Variants in DISC1 observed in about 807,000 individuals in gnomAD.
DISC1 encodes DISC1 scaffold protein.
In DISC1, 57 loss-of-function variants were observed where a neutral mutation model predicts 84.5. That is an observed-to-expected ratio of 0.67 (90% CI 0.55 to 0.84). The LOEUF (loss-of-function observed/expected upper bound fraction) is 0.84, where lower values mean the gene tolerates loss of function less well. Among genes scored for constraint, DISC1 ranks in the 40% least tolerant of loss-of-function variants. The pLI, the probability that DISC1 is intolerant of heterozygous loss-of-function variation, is 0.00. For missense variants in DISC1, 1,000 were observed against 1,057.8 expected (o/e 0.95, Z 0.76); for synonymous variants, 411 against 415.2 (o/e 0.99, Z 0.12).
At chr1:231,745,262 C>G (rs939955585) in intron 3 of DISC1, 1 of 152,128 alleles carries the variant, frequency 6.6e-6, no homozygotes, top group Non-Finnish European at 1.5e-5. Flanking sequence ...TCCTCTGTTG[C>G]CCAGGCTGGA....
Position 231,818,340 on chromosome 1 carries a change from T to C in DISC1, c.1804T>C (p.Trp602Arg). The C allele has an allele frequency of 1.9e-6, 3 of 1,613,976 alleles. No individual in the cohort carries two copies. The highest frequency in any genetic ancestry group is 2.5e-6 in the Non-Finnish European group (3 of 1,179,874). ...KMHAISGNHF[W>R]TAKDLTEEIR... ...ACAACGTGCTGTAGGAAACCATTTC[T>C]GGACGGCTAAAGACCTCACCGAGGA... The change falls in exon 9 of 13, where the codon TGG becomes CGG. Residue 602 changes from tryptophan to arginine, a missense_variant. Around this residue, in one of 3 missense-constraint regions of DISC1, gnomAD observed 397 missense variants for 377.5 expected, o/e 1.05. Transcript: ENST00000439617.
chr1:231,724,153 C>A, intron 3 of DISC1: 1 of 508,766 alleles, frequency 2.0e-6, no homozygotes, highest in Non-Finnish European at 2.5e-6. Flanking sequence ...GCTTTGCATG[C>A]TCAATTGTCA....
At chr1:231,762,708 A>G (rs939500674) in intron 4 of DISC1, among the ~76,000 whole-genome samples, 3 of 151,776 alleles carry the variant, frequency 2.0e-5, no homozygotes, top group African/African-American at 4.8e-5. Context: ...CATTTTCCCG[A>G]TACAAACATT....
chr1:231,629,524 T>A (rs2058535859), intron 1 of DISC1: 1 of 152,674 alleles, frequency 6.5e-6, no homozygotes, highest in South Asian at 2.1e-4. Flanking sequence ...TTTTTGTTTT[T>A]CCAAAAGCAA....
At chr1:231,868,395 A>T (rs1190366865) in intron 9 of DISC1, among the ~76,000 whole-genome samples, 2 of 151,844 alleles carry the variant, frequency 1.3e-5, no homozygotes, top group Non-Finnish European at 1.5e-5. Flanking sequence ...GCTAGGCAAT[A>T]CTGAGCTTCA....
At chr1:231,934,229 G>T (rs1473861967) in intron 9 of DISC1, among the ~76,000 whole-genome samples, 2 of 152,172 alleles carry the variant, frequency 1.3e-5, no homozygotes, top group African/African-American at 2.4e-5. Flanking sequence ...CGCCATCTCT[G>T]TCTGCATCTC....
rs749494452 is a variant in DISC1, at chr1:232,009,015, C to G, written c.2273C>G (p.Pro758Arg). Residue 758 changes from proline to arginine, a missense_variant, in exon 11 of 13, where the codon CCC becomes CGC. By Grantham distance (103) the Pro-to-Arg change is moderately radical (BLOSUM62 -2). Coordinates refer to ENST00000439617, the MANE Select transcript of DISC1 (RefSeq NM_018662.3). This position sits in a 1 kb window ranked among gnomAD's most constrained non-coding sequence, Gnocchi z 4.6. ...VLEEWKTHLIPSLHCAGGEQK... is the reference protein window; with the variant it reads ...VLEEWKTHLIRSLHCAGGEQK... ...GAAGAATGGAAGACTCACCTCATCC[C>G]CTCTCTGCACTGTGCTGGAGGTGAA... 1 of 1,613,880 alleles carries G rather than the reference C, an allele frequency of 6.2e-7. No individual in the cohort carries two copies. The highest frequency in any genetic ancestry group is 8.5e-7 in the Non-Finnish European group (1 of 1,179,816).
chr1:231,881,672 C>G (rs993436748), intron 9 of DISC1, among the ~76,000 whole-genome samples: 1 of 152,142 alleles, frequency 6.6e-6, no homozygotes, highest in Non-Finnish European at 1.5e-5. Context: ...ACGAGCACTT[C>G]CTCTTCCTTC....
At chr1:231,692,548 A>G (rs2065169986) in intron 1 of DISC1, among the ~76,000 whole-genome samples, 1 of 152,218 alleles carries the variant, frequency 6.6e-6, no homozygotes, top group Non-Finnish European at 1.5e-5. Context: ...GCTTAACAGG[A>G]CAAAGATTCC....
chr1:231,678,060 A>G (rs2063331603), intron 1 of DISC1, among the ~76,000 whole-genome samples: 2 of 152,196 alleles, frequency 1.3e-5, no homozygotes, highest in Admixed American at 1.3e-4. Context: ...CTCATACATA[A>G]TGATGAGATT....
chr1:231,696,885 G>A (rs2065780595), intron 2 of DISC1, among the ~76,000 whole-genome samples: 1 of 152,218 alleles, frequency 6.6e-6, no homozygotes, highest in Non-Finnish European at 1.5e-5. Flanking sequence ...ACCTAATAAT[G>A]CATTTCTCAG....
At chr1:231,910,481 G>A (rs1240026845) in intron 9 of DISC1, among the ~76,000 whole-genome samples, 10 of 152,144 alleles carry the variant, frequency 6.6e-5, no homozygotes, top group South Asian at 2.1e-4. Context: ...GTAGTTGAGC[G>A]GTTTTGAGTG....
chr1:231,684,342 C>G (rs1214476311), intron 1 of DISC1, among the ~76,000 whole-genome samples: 1 of 152,024 alleles, frequency 6.6e-6, no homozygotes, highest in South Asian at 2.1e-4. Flanking sequence ...GTTATAAAAA[C>G]TGTATTTATA....
rs531474416 is a variant in DISC1, at chr1:232,025,661, A to G, written c.2308-774A>G. Among the ~76,000 whole-genome samples, 19 of 148,808 alleles carry G rather than the reference A, an allele frequency of 1.3e-4. No individual in the cohort carries two copies. In the East Asian group the frequency reaches 3.8e-3, roughly 30 times the overall value. The stretch of plus-strand genomic sequence containing the variant: ...GCCCAGGCTGGAGTGCAGTGGTGCA[A>G]TCTCGGCTCACTGCAAGCTCCGCCT... On this transcript the variant is annotated intron_variant, in intron 11 of 12. Coordinates refer to ENST00000439617, the MANE Select transcript of DISC1 (RefSeq NM_018662.3).
intron 3 of DISC1, among the ~76,000 whole-genome samples, chr1:231,742,607 T>C (rs1222701661): frequency 6.6e-6 from 1 of 151,654 alleles, no homozygotes; most frequent in Non-Finnish European, 1.5e-5. Context: ...ACCCCATCTC[T>C]GAAAAAAAAA....
chr1:231,816,039 C>A (rs1278205400), intron 8 of DISC1, among the ~76,000 whole-genome samples: 4 of 152,190 alleles, frequency 2.6e-5, no homozygotes, highest in African/African-American at 9.7e-5. Context: ...TTATGAGAAA[C>A]TGGCAGAACT....
intron 9 of DISC1, among the ~76,000 whole-genome samples, chr1:231,878,862 A>G (rs2086077067): frequency 1.3e-5 from 2 of 152,176 alleles, no homozygotes. Flanking sequence ...TAGAAACTTT[A>G]TATAAAGGGA....
chr1:231,822,133 A>G (rs948859906), intron 9 of DISC1, among the ~76,000 whole-genome samples: 9 of 152,192 alleles, frequency 5.9e-5, no homozygotes, highest in Non-Finnish European at 1.2e-4. Flanking sequence ...ACTCAGCTAT[A>G]AAGGAAACCG....
chr1:232,021,265 T>A (rs1307075069), intron 11 of DISC1, among the ~76,000 whole-genome samples: 2 of 152,040 alleles, frequency 1.3e-5, no homozygotes, highest in Non-Finnish European at 2.9e-5. Flanking sequence ...TGCACTCAGA[T>A]ATGTTGGACT....
Sources: allele counts gnomAD v4.1 joint callset (sites outside exome capture counted in the v4.1 genomes callset), GRCh38; gene constraint gnomAD v4.1.1; regional missense constraint gnomAD v4.1.1; non-coding constraint Gnocchi (gnomAD v3.1); transcripts MANE v1.5; gene names NCBI Gene and HGNC (gene_info 2026-07-23, HGNC 2026-07-21).